Variants in NRXN3 observed in about 807,000 individuals in gnomAD.
NRXN3 encodes the protein neurexin 3.
A neutral mutation model predicts 137.6 loss-of-function variants in NRXN3; 32 were observed. The ratio of observed to expected loss-of-function variants is 0.23; its 90% CI spans 0.18 to 0.31. The LOEUF (loss-of-function observed/expected upper bound fraction) is 0.31, where lower values mean the gene tolerates loss of function less well. Ranked by LOEUF, NRXN3 falls within the 10% of genes least tolerant of loss-of-function variation. NRXN3 has a pLI of 1.00. For missense variants in NRXN3, 1,574 were observed against 2,062.5 expected (o/e 0.76, Z 4.59); for synonymous variants, 798 against 784.5 (o/e 1.02, Z -0.29).
chr14:78,190,832 C>G (rs2060662298), intron 1 of NRXN3, among the ~76,000 whole-genome samples: 1 of 151,942 alleles, frequency 6.6e-6, no homozygotes, highest in Admixed American at 6.6e-5. Flanking sequence ...CACCACCACA[C>G]CTGGCTAATT....
intron 4 of NRXN3, among the ~76,000 whole-genome samples, chr14:78,396,755 T>G (rs923632058): frequency 6.6e-6 from 1 of 152,234 alleles, no homozygotes; most frequent in African/African-American, 2.4e-5. Context: ...TCAAGATTTT[T>G]TTTTGGTCTT....
At chr14:79,142,281 C>T (rs1489378134) in intron 15 of NRXN3, among the ~76,000 whole-genome samples, 1 of 151,988 alleles carries the variant, frequency 6.6e-6, no homozygotes, top group Non-Finnish European at 1.5e-5. Flanking sequence ...CAAAAAGTAG[C>T]CAGGTGTGGT....
At chr14:79,275,736 G>C (rs77374624) in intron 15 of NRXN3, among the ~76,000 whole-genome samples, 1,608 of 151,626 alleles carry the variant, frequency 0.011, 26 homozygotes, top group African/African-American at 0.037. Flanking sequence ...GAGGATGGGG[G>C]GGGGGACATT....
intron 15 of NRXN3, among the ~76,000 whole-genome samples, chr14:79,125,922 T>C (rs897222499): frequency 1.3e-5 from 2 of 152,188 alleles, no homozygotes; most frequent in African/African-American, 4.8e-5. Flanking sequence ...CTTATGCAAC[T>C]CCTTTCGTTA....
chr14:79,528,658 TA>T (rs34298385), intron 16 of NRXN3, among the ~76,000 whole-genome samples: 130,901 of 150,862 alleles, frequency 0.87, 56,882 homozygotes, highest in East Asian at 0.99. Flanking sequence ...ATGTGTATGG[TA>T]AAAAAAAAAA....
chr14:78,292,348 T>C (rs1343233408), intron 3 of NRXN3, among the ~76,000 whole-genome samples: 1 of 152,260 alleles, frequency 6.6e-6, no homozygotes, highest in Admixed American at 6.5e-5. Flanking sequence ...TTGCAGTCTA[T>C]TCTAAGGCAA....
intron 15 of NRXN3, among the ~76,000 whole-genome samples, chr14:79,358,607 G>GAAAGAGAGAGAAAGAAAGAAAGAA (rs10667477): frequency 3.8e-5 from 3 of 79,944 alleles, no homozygotes; most frequent in Middle Eastern, 5.9e-3. Context: ...AAGAAAGAAA[G>GAAAGAGAGAGAAAGAAAGAAAGAA]AGAAAGAAAG....
intron 10 of NRXN3, among the ~76,000 whole-genome samples, chr14:78,880,300 T>C (rs1470992702): frequency 2.0e-5 from 3 of 147,494 alleles, no homozygotes; most frequent in Admixed American, 2.0e-4. Context: ...GCAGGGTAAG[T>C]CTGTTGTCAG....
intron 6 of NRXN3, among the ~76,000 whole-genome samples, chr14:78,704,622 A>G (rs1318094268): frequency 2.0e-5 from 3 of 152,124 alleles, no homozygotes; most frequent in Admixed American, 6.5e-5. Flanking sequence ...CATGGGGTAC[A>G]GGAGGGCCTA....
At chr14:79,710,183 T>C (rs994380543) in intron 19 of NRXN3, among the ~76,000 whole-genome samples, 2 of 152,160 alleles carry the variant, frequency 1.3e-5, no homozygotes, top group African/African-American at 4.8e-5. Context: ...CATGTGTTCT[T>C]TTGTCTTTAT....
intron 4 of NRXN3, among the ~76,000 whole-genome samples, chr14:78,643,173 C>T (rs1456588653): frequency 6.6e-6 from 1 of 152,310 alleles, no homozygotes; most frequent in Middle Eastern, 3.4e-3. Flanking sequence ...TTTTACAGCT[C>T]TTACTTTATG....
intron 4 of NRXN3, among the ~76,000 whole-genome samples, chr14:78,492,249 C>G (rs1200808155): frequency 6.6e-6 from 1 of 152,126 alleles, no homozygotes; most frequent in Non-Finnish European, 1.5e-5. Context: ...AGTGGTACAT[C>G]TTAGTGCATA....
At chr14:79,549,366 T>A (rs1225178350) in intron 16 of NRXN3, among the ~76,000 whole-genome samples, 2 of 152,104 alleles carry the variant, frequency 1.3e-5, no homozygotes, top group African/African-American at 4.8e-5. Context: ...TAGGTACTAT[T>A]TGCCTATCTA....
intron 15 of NRXN3, among the ~76,000 whole-genome samples, chr14:79,434,563 G>T (rs1212880011): frequency 2.6e-5 from 4 of 152,208 alleles, no homozygotes; most frequent in Non-Finnish European, 2.9e-5. Flanking sequence ...AGTGGTGCAG[G>T]TACGATGGCG....
intron 15 of NRXN3, among the ~76,000 whole-genome samples, chr14:79,340,530 A>G (rs1440491801): frequency 2.6e-5 from 4 of 152,156 alleles, no homozygotes; most frequent in Non-Finnish European, 5.9e-5. Flanking sequence ...CAATGGTGCG[A>G]TATCAGCTCA....
intron 1 of NRXN3, among the ~76,000 whole-genome samples, chr14:78,193,960 A>G (rs1409017631): frequency 1.3e-5 from 2 of 152,000 alleles, no homozygotes; most frequent in African/African-American, 4.8e-5. Flanking sequence ...CATAGTGCCC[A>G]TCCTCTGCGG....
chr14:79,207,599 G>T (rs115024973), intron 15 of NRXN3, among the ~76,000 whole-genome samples: 3,161 of 152,216 alleles, frequency 0.021, 104 homozygotes, highest in African/African-American at 0.073. Flanking sequence ...TGAGCATGTG[G>T]CATAAGGGAA....
intron 15 of NRXN3, among the ~76,000 whole-genome samples, chr14:79,211,104 C>T (rs1413251310): frequency 6.6e-6 from 1 of 152,070 alleles, no homozygotes; most frequent in Non-Finnish European, 1.5e-5. Context: ...TGTCAATGGT[C>T]CAGGTTTCGG....
chr14:79,092,046 C>T (rs28376793), intron 15 of NRXN3, among the ~76,000 whole-genome samples: 6,551 of 152,156 alleles, frequency 0.043, 516 homozygotes, highest in African/African-American at 0.15. Context: ...TTTTTCTGTT[C>T]GTCTATTGTT....
Sources: allele counts gnomAD v4.1 joint callset (sites outside exome capture counted in the v4.1 genomes callset), GRCh38; gene constraint gnomAD v4.1.1; transcripts MANE v1.5; gene names NCBI Gene and HGNC (gene_info 2026-07-23, HGNC 2026-07-21).